Variants in TMEM135 observed in about 807,000 individuals in gnomAD.
TMEM135 encodes peroxisomal membrane protein 52.
A neutral mutation model predicts 60.3 loss-of-function variants in TMEM135; 30 were observed. The ratio of observed to expected loss-of-function variants is 0.50; its 90% CI spans 0.37 to 0.68. The LOEUF is 0.68. TMEM135 is among the 30% of genes least tolerant of loss of function. The probability of loss-of-function intolerance (pLI) is 0.00; values close to 1 mark genes in which losing one functional copy is unlikely to be tolerated. For missense variants in TMEM135, 468 were observed against 548.8 expected (o/e 0.85, Z 1.47); for synonymous variants, 190 against 186.7 (o/e 1.02, Z -0.14).
At chr11:87,269,531 T>G (rs1191125087) in intron 6 of TMEM135, among the ~76,000 whole-genome samples, 2 of 151,632 alleles carry the variant, frequency 1.3e-5, no homozygotes, top group Non-Finnish European at 2.9e-5. Flanking sequence ...GAGTGTAATG[T>G]TCCCCTTCCT....
chr11:87,154,639 A>G (rs1938643255), intron 4 of TMEM135, among the ~76,000 whole-genome samples: 1 of 152,154 alleles, frequency 6.6e-6, no homozygotes. Context: ...TCAACACTTG[A>G]TATCTTCTGT....
chr11:87,072,909 C>T (rs1400772785), intron 3 of TMEM135, among the ~76,000 whole-genome samples: 1 of 152,148 alleles, frequency 6.6e-6, no homozygotes, highest in African/African-American at 2.4e-5. Flanking sequence ...CCAGATAAAT[C>T]AAGAAAGGAT....
At chr11:87,317,443 A>C (rs1942752717) in intron 12 of TMEM135, among the ~76,000 whole-genome samples, 1 of 152,154 alleles carries the variant, frequency 6.6e-6, no homozygotes, top group Non-Finnish European at 1.5e-5. Flanking sequence ...CATATATCCC[A>C]GTCTCTTTTA....
At chr11:87,089,066 T>G (rs1274131154) in intron 3 of TMEM135, among the ~76,000 whole-genome samples, 1 of 152,326 alleles carries the variant, frequency 6.6e-6, no homozygotes, top group Non-Finnish European at 1.5e-5. Context: ...TTGCCAAGTA[T>G]AAGGTGTATA....
chr11:87,077,909 C>T (rs920049556), intron 3 of TMEM135, among the ~76,000 whole-genome samples: 5 of 152,140 alleles, frequency 3.3e-5, no homozygotes, highest in East Asian at 1.9e-4. Flanking sequence ...TGATGTCATA[C>T]GTATCATTTC....
intron 4 of TMEM135, among the ~76,000 whole-genome samples, chr11:87,133,721 C>A (rs1051981275): frequency 3.3e-5 from 5 of 152,128 alleles, no homozygotes; most frequent in Non-Finnish European, 7.4e-5. Context: ...TCCCAAACAA[C>A]CACTGATCTG....
At chr11:87,246,320 A>G (rs1276261870) in intron 6 of TMEM135, among the ~76,000 whole-genome samples, 1 of 149,672 alleles carries the variant, frequency 6.7e-6, no homozygotes, top group Non-Finnish European at 1.5e-5. Context: ...GAATCTGACA[A>G]TTATGTGTCT....
At chr11:87,133,926 A>G (rs1159180741) in intron 4 of TMEM135, among the ~76,000 whole-genome samples, 2 of 151,494 alleles carry the variant, frequency 1.3e-5, no homozygotes, top group Non-Finnish European at 2.9e-5. Flanking sequence ...TCCTTTTTCT[A>G]TTTGTTATTT....
chr11:87,299,485 C>G (rs558005896), intron 7 of TMEM135, among the ~76,000 whole-genome samples: 1 of 152,300 alleles, frequency 6.6e-6, no homozygotes, highest in South Asian at 2.1e-4. Context: ...AGGATTACAA[C>G]TCGAGATGAG....
At chr11:87,250,731 A>G (rs1591139823) in intron 6 of TMEM135, among the ~76,000 whole-genome samples, 1 of 152,332 alleles carries the variant, frequency 6.6e-6, no homozygotes, top group South Asian at 2.1e-4. Flanking sequence ...TTAAAAATAC[A>G]TAAGAACCTA....
intron 4 of TMEM135, among the ~76,000 whole-genome samples, chr11:87,137,709 A>G (rs1938141905): frequency 6.7e-6 from 1 of 148,998 alleles, no homozygotes; most frequent in African/African-American, 2.5e-5. Context: ...ACGTAAGTGT[A>G]AGAAGATAGC....
chr11:87,210,709 A>G (rs927448394), intron 5 of TMEM135, among the ~76,000 whole-genome samples: 1 of 152,096 alleles, frequency 6.6e-6, no homozygotes, highest in Non-Finnish European at 1.5e-5. Flanking sequence ...AGGAAAACTT[A>G]AGGCCAATAT....
chr11:87,180,302 G>A (rs1319060079), intron 5 of TMEM135, among the ~76,000 whole-genome samples: 1 of 152,124 alleles, frequency 6.6e-6, no homozygotes. Flanking sequence ...GGAAAAACGG[G>A]CCCCTGTAGC....
intron 6 of TMEM135, among the ~76,000 whole-genome samples, chr11:87,283,997 A>G (rs1381471189): frequency 6.6e-6 from 1 of 152,258 alleles, no homozygotes; most frequent in Non-Finnish European, 1.5e-5. Context: ...TTTAAAAAAT[A>G]GATTGGTTCA....
chr11:87,300,364 T>G (rs1278712345), intron 7 of TMEM135, among the ~76,000 whole-genome samples: 4 of 152,212 alleles, frequency 2.6e-5, no homozygotes, highest in African/African-American at 4.8e-5. Context: ...TGTGAGACTC[T>G]GAAGGTGCGC....
intron 6 of TMEM135, among the ~76,000 whole-genome samples, chr11:87,254,681 A>G (rs1206268607): frequency 1.3e-5 from 2 of 152,178 alleles, no homozygotes; most frequent in African/African-American, 2.4e-5. Flanking sequence ...CTTTGGGAAA[A>G]TACATTGATG....
intron 5 of TMEM135, among the ~76,000 whole-genome samples, chr11:87,224,319 G>A (rs1270636916): frequency 6.6e-6 from 1 of 152,226 alleles, no homozygotes; most frequent in African/African-American, 2.4e-5. Flanking sequence ...TTGTAGTTTA[G>A]TGAAGTAGTG....
intron 1 of TMEM135, among the ~76,000 whole-genome samples, chr11:87,044,122 A>C (rs553138802): frequency 6.6e-6 from 1 of 152,254 alleles, no homozygotes; most frequent in South Asian, 2.1e-4. Flanking sequence ...ACTCCCTTTG[A>C]ACCATGTAAT....
At chr11:87,105,785 A>T (rs538989141) in intron 4 of TMEM135, among the ~76,000 whole-genome samples, 19 of 152,254 alleles carry the variant, frequency 1.2e-4, no homozygotes, top group African/African-American at 4.1e-4. Flanking sequence ...AGTGTTGGGA[A>T]CATTTTAAAT....
Sources: gnomAD v4.1 joint callset for allele counts (sites outside exome capture counted in the v4.1 genomes callset) on GRCh38, gnomAD v4.1.1 for gene constraint, MANE v1.5 for transcripts, NCBI Gene and HGNC (gene_info 2026-07-23, HGNC 2026-07-21) for gene names.